Variants in KCNH8 observed in about 807,000 individuals in gnomAD.
The protein encoded by KCNH8 is voltage-gated delayed rectifier potassium channel KCNH8.
In KCNH8, 70 loss-of-function variants were observed where a neutral mutation model predicts 103.6. That is an observed-to-expected ratio of 0.68 (90% CI 0.56 to 0.82). KCNH8 has a LOEUF of 0.82. KCNH8 is among the 40% of genes least tolerant of loss of function. The pLI is 0.00. For missense variants in KCNH8, 1,217 were observed against 1,329.9 expected (o/e 0.92, Z 1.32); for synonymous variants, 498 against 489.4 (o/e 1.02, Z -0.23).
intron 2 of KCNH8, among the ~76,000 whole-genome samples, chr3:19,269,969 A>G (rs765290225): frequency 6.6e-5 from 10 of 152,160 alleles, no homozygotes; most frequent in Non-Finnish European, 1.3e-4. Context: ...AAAACTGTCT[A>G]TATGATTTTT....
chr3:19,208,863 G>T (rs552687129), intron 1 of KCNH8, among the ~76,000 whole-genome samples: 1 of 151,918 alleles, frequency 6.6e-6, no homozygotes. Flanking sequence ...GGTTGAATTT[G>T]CCTTTCACAG....
chr3:19,291,176 G>C (rs1360299854), intron 3 of KCNH8, among the ~76,000 whole-genome samples: 1 of 151,684 alleles, frequency 6.6e-6, no homozygotes, highest in Non-Finnish European at 1.5e-5. Flanking sequence ...CAATTTTATT[G>C]ATCTTTTCAA....
At chr3:19,334,604 GT>G (rs2065557065) in intron 3 of KCNH8, among the ~76,000 whole-genome samples, 1 of 150,134 alleles carries the variant, frequency 6.7e-6, no homozygotes, top group Non-Finnish European at 1.5e-5. Flanking sequence ...CCAGTCTCAT[GT>G]TCATTGGCAG....
At chr3:19,183,162 T>C (rs748038378) in intron 1 of KCNH8, among the ~76,000 whole-genome samples, 8 of 152,204 alleles carry the variant, frequency 5.3e-5, no homozygotes, top group South Asian at 2.1e-4. Context: ...CTATTTAATG[T>C]TGTACAGGAA....
chr3:19,298,158 C>T (rs1457255173), intron 3 of KCNH8, among the ~76,000 whole-genome samples: 1 of 152,156 alleles, frequency 6.6e-6, no homozygotes, highest in Non-Finnish European at 1.5e-5. Context: ...TACTAAATGA[C>T]CTAATGTCAT....
intron 7 of KCNH8, among the ~76,000 whole-genome samples, chr3:19,428,565 A>C (rs143656907): frequency 2.0e-5 from 3 of 152,350 alleles, no homozygotes; most frequent in African/African-American, 7.2e-5. Flanking sequence ...AAAGCCTTAT[A>C]TTGAATGCTT....
intron 5 of KCNH8, among the ~76,000 whole-genome samples, chr3:19,384,989 C>CT (rs2066336935): frequency 6.6e-6 from 1 of 152,024 alleles, no homozygotes; most frequent in Non-Finnish European, 1.5e-5. Flanking sequence ...AACCACCAAA[C>CT]TAGAGAGTAT....
chr3:19,159,747 T>C (rs1947245), intron 1 of KCNH8, among the ~76,000 whole-genome samples: 1,909 of 152,208 alleles, frequency 0.013, 47 homozygotes, highest in African/African-American at 0.043. Context: ...ATACGAAACA[T>C]TTGTATCTAT....
intron 1 of KCNH8, among the ~76,000 whole-genome samples, chr3:19,252,942 C>T (rs1480114167): frequency 6.6e-6 from 1 of 152,094 alleles, no homozygotes; most frequent in Non-Finnish European, 1.5e-5. Context: ...GGAGAGTGCA[C>T]TTAGCTTAAG....
At chr3:19,397,644 T>C (rs1246480289) in intron 7 of KCNH8, among the ~76,000 whole-genome samples, 2 of 151,688 alleles carry the variant, frequency 1.3e-5, no homozygotes, top group African/African-American at 2.4e-5. Flanking sequence ...CCTATGATCA[T>C]GGCATGTCAA....
In KCNH8 at chr3:19,300,288, G is replaced by A. The variant is rs141649865; in HGVS notation, c.442+18959G>A. 3.3e-5 allele frequency among the ~76,000 whole-genome samples: 5 copies of A among 151,768 alleles called. No homozygotes were observed. In the East Asian group the frequency reaches 9.7e-4, roughly 29 times the overall value. ...AAAGAAAGAAAAGAAAATATGAACA[G>A]GTGTTATATAAGTATGGCAAAATAA... On this transcript the variant is annotated intron_variant, in intron 3 of 15. Coordinates refer to ENST00000328405, the MANE Select transcript of KCNH8 (RefSeq NM_144633.3).
intron 7 of KCNH8, among the ~76,000 whole-genome samples, chr3:19,434,038 A>C (rs1427523777): frequency 6.6e-6 from 1 of 152,226 alleles, no homozygotes. Flanking sequence ...TGATAACATA[A>C]GATATCACCA....
chr3:19,370,467 C>T (rs1452758794), intron 5 of KCNH8, among the ~76,000 whole-genome samples: 1 of 151,940 alleles, frequency 6.6e-6, no homozygotes, highest in Non-Finnish European at 1.5e-5. Context: ...GAGAGAGCTG[C>T]ATTAGGACAC....
intron 5 of KCNH8, among the ~76,000 whole-genome samples, chr3:19,362,206 A>AT (rs758585920): frequency 6.6e-6 from 1 of 152,156 alleles, no homozygotes; most frequent in Non-Finnish European, 1.5e-5. Flanking sequence ...TTTATTAAAT[A>AT]TTTTTCCATA....
intron 1 of KCNH8, among the ~76,000 whole-genome samples, chr3:19,153,876 C>T (rs2063155059): frequency 6.6e-6 from 1 of 151,998 alleles, no homozygotes; most frequent in Non-Finnish European, 1.5e-5. Context: ...TCGTGATCCA[C>T]CCACCGCGCC....
intron 1 of KCNH8, among the ~76,000 whole-genome samples, chr3:19,158,344 C>T (rs1284900194): frequency 6.6e-6 from 1 of 151,630 alleles, no homozygotes; most frequent in African/African-American, 2.4e-5. Context: ...TTTAGTACTA[C>T]AATTTTAATT....
intron 2 of KCNH8, among the ~76,000 whole-genome samples, chr3:19,269,643 C>T (rs1265292095): frequency 6.6e-6 from 1 of 151,118 alleles, no homozygotes; most frequent in African/African-American, 2.4e-5. Flanking sequence ...TAGACTCAGA[C>T]CACAATCTCC....
At chr3:19,509,501 AT>A (rs2068748026) in intron 11 of KCNH8, among the ~76,000 whole-genome samples, 1 of 152,176 alleles carries the variant, frequency 6.6e-6, no homozygotes, top group Non-Finnish European at 1.5e-5. Context: ...ACATGTCATA[AT>A]TTCCAGAGCT....
intron 12 of KCNH8, among the ~76,000 whole-genome samples, chr3:19,511,294 G>A (rs1447006282): frequency 6.6e-6 from 1 of 152,058 alleles, no homozygotes; most frequent in Non-Finnish European, 1.5e-5. Context: ...CTGATTGTGA[G>A]TCAATATCTA....
Sources: allele counts gnomAD v4.1 joint callset (sites outside exome capture counted in the v4.1 genomes callset), GRCh38; gene constraint gnomAD v4.1.1; transcripts MANE v1.5; gene names NCBI Gene and HGNC (gene_info 2026-07-23, HGNC 2026-07-21).